The following USP32 variants were observed in gnomAD, a reference collection of about 807,000 sequenced individuals.
USP32 encodes ubiquitin specific peptidase 32, also known as ubiquitin carboxyl-terminal hydrolase 32.
Under a neutral mutation model 204.8 loss-of-function variants are expected in USP32, and 59 were observed. The observed-to-expected ratio is 0.29, with a 90% CI of 0.23 to 0.36. The LOEUF (loss-of-function observed/expected upper bound fraction) is 0.36, where lower values mean the gene tolerates loss of function less well. Among genes scored for constraint, USP32 ranks in the 10% least tolerant of loss-of-function variants. USP32 has a pLI of 1.00. For synonymous variants in USP32, 517 were observed against 678.4 expected (o/e 0.76, Z 3.70); for missense variants, 1,160 against 1,946.4 (o/e 0.60, Z 7.60).
chr17:60,342,574 G>A (rs939381155), intron 2 of USP32, among the ~76,000 whole-genome samples: 2 of 152,194 alleles, frequency 1.3e-5, no homozygotes, highest in Non-Finnish European at 2.9e-5. Context: ...AGCTGCAGTG[G>A]GCTCCTCCCA....
intron 5 of USP32, among the ~76,000 whole-genome samples, chr17:60,274,696 AT>A (rs530538686): frequency 4.3e-4 from 64 of 149,330 alleles, no homozygotes; most frequent in Middle Eastern, 3.5e-3. Flanking sequence ...CAAAGTACAG[AT>A]TTTTTTTTTT....
At chr17:60,406,054 G>A (rs1392505704) in intron 1 of USP32, among the ~76,000 whole-genome samples, 1 of 151,308 alleles carries the variant, frequency 6.6e-6, no homozygotes, top group Non-Finnish European at 1.5e-5. Context: ...CTACTTGGGA[G>A]GCTGAGTTGG....
chr17:60,247,428 T>C lies in USP32; in HGVS notation c.1136+4953A>G, dbSNP rs372194561. Among the ~76,000 whole-genome samples, 200 of 152,154 alleles carry C rather than the reference T, an allele frequency of 1.3e-3. 1 individual carries two copies. The highest frequency in any genetic ancestry group is 4.5e-3 in the African/African-American group (187 of 41,538). ...CTCCTGGCCTCAGGTGATCCAGCCG[T>C]CTCGGCCTCCCAAAGTGCTGGGATT... On this transcript the variant is annotated intron_variant, in intron 11 of 33. Transcript: ENST00000300896.
chr17:60,247,874 C>T lies in USP32; in HGVS notation c.1136+4507G>A, dbSNP rs914961066. ...AATTGTTTTGTATTTTTAGTAGAGACGGGGTTTCACCGCGTTAGCCAGTAT... is the reference window on the plus strand; with the variant it reads ...AATTGTTTTGTATTTTTAGTAGAGATGGGGTTTCACCGCGTTAGCCAGTAT... On this transcript the variant is annotated intron_variant, in intron 11 of 33. Coordinates refer to ENST00000300896, the MANE Select transcript of USP32 (RefSeq NM_032582.4). Among the ~76,000 whole-genome samples the T allele has an allele frequency of 2.0e-5, 3 of 152,008 alleles. 1 individual carries two copies. Among genetic ancestry groups the T allele is most frequent in the South Asian group, 4.1e-4 (2 of 4,824 alleles).
intron 28 of USP32, among the ~76,000 whole-genome samples, chr17:60,192,351 C>G (rs750491730): frequency 1.3e-5 from 2 of 152,114 alleles, no homozygotes; most frequent in East Asian, 3.9e-4. Flanking sequence ...AAATGTTTAT[C>G]ACAAGCTATG....
intron 1 of USP32, among the ~76,000 whole-genome samples, chr17:60,400,496 G>C (rs2089927438): frequency 6.6e-6 from 1 of 152,220 alleles, no homozygotes; most frequent in African/African-American, 2.4e-5. Flanking sequence ...TCCAAACTTA[G>C]TGACCTAAGT....
At chr17:60,222,677 ATTTTTTT>A (rs373799936) in intron 14 of USP32, 128 bp from the exon 15 acceptor site, 50 of 471,292 alleles carry the variant, frequency 1.1e-4, no homozygotes, top group Middle Eastern at 6.9e-4. Context: ...GAAAAACTTA[ATTTTTTT>A]TTTTTTTTTT....
intron 13 of USP32, among the ~76,000 whole-genome samples, chr17:60,223,857 T>C (rs1158572661): frequency 6.6e-6 from 1 of 152,262 alleles, no homozygotes; most frequent in Admixed American, 6.5e-5. Context: ...GAGAATTATA[T>C]GTCCTCCGAC....
At position 60,319,755 on chromosome 17, in the gene USP32, G is replaced by A. The variant is rs182688468; in HGVS notation, c.187-18051C>T. 1.7e-4 allele frequency among the ~76,000 whole-genome samples: 26 copies of A among 152,128 alleles called. 1 individual carries two copies. Among genetic ancestry groups the A allele is most frequent in the Admixed American group, 1.6e-3 (25 of 15,258 alleles). ...AGATAGCGCCACTGCACTCCAGCCT[G>A]GATGACAGAGTGAGACCCCATCTCA... On this transcript the variant is annotated intron_variant, in intron 2 of 33. Transcript: ENST00000300896.
intron 2 of USP32, among the ~76,000 whole-genome samples, chr17:60,343,785 A>T (rs2088716065): frequency 6.6e-6 from 1 of 152,212 alleles, no homozygotes; most frequent in Non-Finnish European, 1.5e-5. Context: ...CAATCCCAGC[A>T]CTTTGGGAGG....
At chr17:60,421,762 C>G in intron 1 of USP32, 13 of 877,710 alleles carry the variant, frequency 1.5e-5, no homozygotes, top group Non-Finnish European at 1.8e-5. Context: ...TTTCCGCCCT[C>G]GGCCTCGGGT....
intron 2 of USP32, among the ~76,000 whole-genome samples, chr17:60,345,240 A>G (rs148243877): frequency 1.3e-5 from 2 of 152,232 alleles, no homozygotes; most frequent in Non-Finnish European, 2.9e-5. Context: ...CTATGATCAT[A>G]ATCAGTGGCT....
Position 60,335,791 on chromosome 17 carries a change from G to A in USP32, c.186+9690C>T, listed in dbSNP as rs146600389. On this transcript the variant is annotated intron_variant, in intron 2 of 33. Transcript: ENST00000300896. ...TCAAGAAGTGGGCAATGGGTCATGT[G>A]CTTTTGTTGAAGGTTACACAGATCT... Among the ~76,000 whole-genome samples the A allele has an allele frequency of 9.3e-4, 133 of 143,154 alleles. 35 individuals are homozygous for A. Among genetic ancestry groups the A allele is most frequent in the African/African-American group, 3.8e-3 (129 of 33,528 alleles). 93.9% of individuals were successfully genotyped at this position (143,154 alleles called of 152,430 possible). A position where few individuals can be genotyped will look rare whatever the true frequency, so the allele number is the denominator to read the frequency against.
chr17:60,408,070 C>A (rs1266057424), intron 1 of USP32, among the ~76,000 whole-genome samples: 1 of 151,700 alleles, frequency 6.6e-6, no homozygotes, highest in Non-Finnish European at 1.5e-5. Context: ...TGCACTCCAG[C>A]CTGGGGTACA....
chr17:60,414,868 T>G (rs1598325051), intron 1 of USP32, among the ~76,000 whole-genome samples: 1 of 151,712 alleles, frequency 6.6e-6, no homozygotes, highest in East Asian at 1.9e-4. Context: ...TTTTTTTTTT[T>G]TAGATGGAGT....
At chr17:60,247,179 T>G (rs1189774837) in intron 11 of USP32, among the ~76,000 whole-genome samples, 1 of 150,548 alleles carries the variant, frequency 6.6e-6, no homozygotes, top group African/African-American at 2.5e-5. Flanking sequence ...TTGAATCCAT[T>G]TTCTTTTCTT....
At chr17:60,179,987 AAC>A (rs1270218402) in intron 33 of USP32, among the ~76,000 whole-genome samples, 4 of 149,888 alleles carry the variant, frequency 2.7e-5, no homozygotes, top group African/African-American at 9.8e-5. Context: ...ATCAAATTCT[AAC>A]AGTCTAGAAG....
intron 30 of USP32, 95 bp downstream of exon 30, chr17:60,185,365 T>G (rs916571570): frequency 7.8e-6 from 11 of 1,417,054 alleles, no homozygotes; most frequent in Non-Finnish European, 1.0e-5. Context: ...GCAGGAAAGG[T>G]CTTATTCTCA....
intron 1 of USP32, among the ~76,000 whole-genome samples, chr17:60,386,362 A>AT (rs1243107518): frequency 3.2e-5 from 4 of 123,368 alleles, no homozygotes; most frequent in Non-Finnish European, 6.2e-5. Flanking sequence ...TAGTTCATAA[A>AT]TTAAAAAAAA....
Sources: gnomAD v4.1 joint callset for allele counts (sites outside exome capture counted in the v4.1 genomes callset) on GRCh38, gnomAD v4.1.1 for gene constraint, MANE v1.5 for transcripts, NCBI Gene and HGNC (gene_info 2026-07-23, HGNC 2026-07-21) for gene names.